Variants in NCK2 observed in about 807,000 individuals in gnomAD.
NCK2 encodes the protein NCK adaptor protein 2, also known as cytoplasmic protein NCK2.
A neutral mutation model predicts 33.9 loss-of-function variants in NCK2; 16 were observed. That is an observed-to-expected ratio of 0.47 (90% CI 0.32 to 0.72). The LOEUF is 0.72. Ranked by LOEUF, NCK2 falls within the 30% of genes least tolerant of loss-of-function variation. The pLI is 0.03. For missense variants in NCK2, 418 were observed against 537.3 expected (o/e 0.78, Z 2.19); for synonymous variants, 273 against 239.9 (o/e 1.14, Z -1.27).
At chr2:105,850,588 A>G (rs1677028570) in intron 2 of NCK2, among the ~76,000 whole-genome samples, 1 of 152,162 alleles carries the variant, frequency 6.6e-6, no homozygotes, top group African/African-American at 2.4e-5. Flanking sequence ...TTTGGGCTAG[A>G]CCTGAGTAAT....
intron 2 of NCK2, among the ~76,000 whole-genome samples, chr2:105,839,859 C>T (rs1291904021): frequency 6.6e-6 from 1 of 152,120 alleles, no homozygotes; most frequent in African/African-American, 2.4e-5. Context: ...GTAGAGTGAG[C>T]CAGAAAACTA....
intron 1 of NCK2, among the ~76,000 whole-genome samples, chr2:105,793,392 G>A (rs1231601207): frequency 2.0e-5 from 3 of 152,158 alleles, no homozygotes; most frequent in African/African-American, 4.8e-5. Flanking sequence ...GAGGTCAGGT[G>A]AGCTGCCATC....
intron 3 of NCK2, among the ~76,000 whole-genome samples, chr2:105,861,527 T>C (rs1413776281): frequency 6.6e-6 from 1 of 150,550 alleles, no homozygotes; most frequent in African/African-American, 2.4e-5. Context: ...TTTTTTTTTT[T>C]TTTTTGAGAC....
chr2:105,825,732 A>T (rs974449794), intron 2 of NCK2, among the ~76,000 whole-genome samples: 8 of 152,264 alleles, frequency 5.3e-5, no homozygotes, highest in African/African-American at 1.9e-4. Flanking sequence ...CCAGCAAGGC[A>T]CAGAGGGATG....
chr2:105,880,499 G>A (rs1678426337), intron 3 of NCK2, among the ~76,000 whole-genome samples: 1 of 152,162 alleles, frequency 6.6e-6, no homozygotes, highest in Admixed American at 6.5e-5. Flanking sequence ...AGGGGTGAGG[G>A]TGGGGGCAGT....
chr2:105,883,254 A>G (rs905577922), intron 4 of NCK2, among the ~76,000 whole-genome samples: 5 of 152,236 alleles, frequency 3.3e-5, no homozygotes, highest in African/African-American at 9.6e-5. Flanking sequence ...TTGTTCTCAC[A>G]TGACGAGAGC....
chr2:105,809,267 T>C lies in NCK2; in HGVS notation c.-200-7163T>C, dbSNP rs190000694. 1.2e-3 allele frequency among the ~76,000 whole-genome samples: 178 copies of C among 152,320 alleles called. 1 individual carries two copies. The highest frequency in any genetic ancestry group is 4.1e-3 in the African/African-American group (172 of 41,568). ...TCAAGTTCCTGTTGCGTGTGTCATA[T>C]GTCGTGACACATATGTATGGTTGAG... On this transcript the variant is annotated intron_variant, in intron 1 of 4. Coordinates refer to ENST00000233154, the MANE Select transcript of NCK2 (RefSeq NM_003581.5).
chr2:105,843,398 A>G (rs1676724057), intron 2 of NCK2, among the ~76,000 whole-genome samples: 2 of 148,960 alleles, frequency 1.3e-5, no homozygotes, highest in African/African-American at 2.5e-5. Flanking sequence ...CCCATAAGAA[A>G]AAAAAAAAAA....
At chr2:105,889,522 A>G (rs1212662210) in intron 4 of NCK2, among the ~76,000 whole-genome samples, 1 of 151,696 alleles carries the variant, frequency 6.6e-6, no homozygotes, top group Non-Finnish European at 1.5e-5. Flanking sequence ...GCTCCACCCC[A>G]GAATTTCTGC....
At chr2:105,867,096 CTG>C (rs780753687) in intron 3 of NCK2, among the ~76,000 whole-genome samples, 23 of 152,208 alleles carry the variant, frequency 1.5e-4, no homozygotes, top group Non-Finnish European at 1.5e-5. Flanking sequence ...CAAAGCCAAA[CTG>C]TTCCCCTTAA....
At chr2:105,825,512 G>A (rs1010950993) in intron 2 of NCK2, among the ~76,000 whole-genome samples, 7 of 152,220 alleles carry the variant, frequency 4.6e-5, no homozygotes, top group African/African-American at 1.4e-4. Context: ...TAGCAGATAT[G>A]GGAACGCTAA....
chr2:105,876,472 C>T (rs552533409), intron 3 of NCK2, among the ~76,000 whole-genome samples: 12 of 152,224 alleles, frequency 7.9e-5, no homozygotes, highest in South Asian at 4.2e-4. Flanking sequence ...GACATGCTAG[C>T]GAATGTGCTC....
intron 3 of NCK2, among the ~76,000 whole-genome samples, chr2:105,864,085 G>A (rs1401267398): frequency 6.6e-6 from 1 of 152,114 alleles, no homozygotes; most frequent in African/African-American, 2.4e-5. Flanking sequence ...GTGAGCAAGA[G>A]GGCTGGGGCA....
intron 3 of NCK2, among the ~76,000 whole-genome samples, chr2:105,873,719 G>GA (rs1558880969): frequency 6.6e-6 from 1 of 152,074 alleles, no homozygotes; most frequent in Non-Finnish European, 1.5e-5. Flanking sequence ...AACTGAAGGG[G>GA]AAAAAAAGAA....
chr2:105,848,451 C>T (rs1233278272), intron 2 of NCK2: 1 of 152,192 alleles, frequency 6.6e-6, no homozygotes, highest in African/African-American at 2.4e-5. Flanking sequence ...GAAGACAGAT[C>T]ATGAAAGGAC....
chr2:105,834,610 A>G (rs1248016912), intron 2 of NCK2, among the ~76,000 whole-genome samples: 1 of 150,776 alleles, frequency 6.6e-6, no homozygotes, highest in African/African-American at 2.4e-5. Flanking sequence ...TGTCCAGTCT[A>G]TATCTTTTAA....
At chr2:105,840,119 G>T (rs771790225) in intron 2 of NCK2, among the ~76,000 whole-genome samples, 50 of 152,136 alleles carry the variant, frequency 3.3e-4, no homozygotes, top group Non-Finnish European at 5.9e-4. Context: ...CTCTATAAAG[G>T]AGAGTTGGTG....
rs549898743 is a variant in NCK2, at chr2:105,766,194, C to T, written c.-201+21056C>T. Among the ~76,000 whole-genome samples, 41 of 152,252 alleles carry T rather than the reference C, an allele frequency of 2.7e-4. No homozygotes were observed. In the South Asian group the frequency reaches 7.7e-3, roughly 29 times the overall value. On this transcript the variant is annotated intron_variant, in intron 1 of 4. Transcript: ENST00000233154. ...GGGCCTAGGAAGCACATTCTGGTAG[C>T]AGGAGAGCCCGGGAATGTGGGGACT...
At chr2:105,809,328 C>T (rs753732231) in intron 1 of NCK2, among the ~76,000 whole-genome samples, 4 of 152,168 alleles carry the variant, frequency 2.6e-5, no homozygotes, top group Non-Finnish European at 5.9e-5. Context: ...GGGAAAGTAC[C>T]ACAGACTGAG....
Sources: gnomAD v4.1 joint callset for allele counts (sites outside exome capture counted in the v4.1 genomes callset) on GRCh38, gnomAD v4.1.1 for gene constraint, MANE v1.5 for transcripts, NCBI Gene and HGNC (gene_info 2026-07-23, HGNC 2026-07-21) for gene names.